The following UNC13C variants were observed in gnomAD, a reference collection of about 807,000 sequenced individuals.
UNC13C encodes the protein protein unc-13 homolog C.
A neutral mutation model predicts 245.4 loss-of-function variants in UNC13C; 174 were observed. The observed-to-expected ratio is 0.71, with a 90% confidence interval of 0.63 to 0.80. The LOEUF (loss-of-function observed/expected upper bound fraction) is 0.80, where lower values mean the gene tolerates loss of function less well. UNC13C is among the 30% of genes least tolerant of loss of function. UNC13C has a pLI of 0.00. For synonymous variants in UNC13C, 992 were observed against 895.1 expected, an observed-to-expected ratio of 1.11 and a Z score of -1.93; for missense variants, 2,829 against 2,602.9, an observed-to-expected ratio of 1.09 and a Z score of -1.89.
At chr15:54,490,423 C>T (rs894304209) in intron 19 of UNC13C, among the ~76,000 whole-genome samples, 1 of 152,018 alleles carries the variant, frequency 6.6e-6, no homozygotes, top group Non-Finnish European at 1.5e-5. Context: ...GAAGAGACTG[C>T]AGGAATGTAG....
the UNC13C span, among the ~76,000 whole-genome samples, chr15:53,889,059 T>C: frequency 6.6e-6 from 1 of 152,178 alleles, no homozygotes; most frequent in Non-Finnish European, 1.5e-5. Context: ...ATATGAAGTT[T>C]AAAGTAGTTT....
intron 14 of UNC13C, among the ~76,000 whole-genome samples, chr15:54,327,220 T>A (rs2038320159): frequency 6.6e-6 from 1 of 152,196 alleles, no homozygotes; most frequent in East Asian, 1.9e-4. Context: ...AAATTAATAT[T>A]TTTGAGCTGT....
intron 14 of UNC13C, among the ~76,000 whole-genome samples, chr15:54,327,871 G>T (rs902302720): frequency 2.6e-5 from 4 of 152,054 alleles, no homozygotes; most frequent in Admixed American, 2.0e-4. Context: ...CAAAGGGAAG[G>T]CTCCCAAGTC....
chr15:53,895,057 T>C, the UNC13C span, among the ~76,000 whole-genome samples: 5 of 152,014 alleles, frequency 3.3e-5, 1 homozygote, highest in South Asian at 1.0e-3. Context: ...GTTATTAGGA[T>C]CATTCCTTAG....
chr15:54,078,031 T>C (rs1471362688), intron 2 of UNC13C, among the ~76,000 whole-genome samples: 2 of 152,196 alleles, frequency 1.3e-5, no homozygotes, highest in Non-Finnish European at 2.9e-5. Context: ...TATGTCCATG[T>C]GTACTCATTG....
intron 4 of UNC13C, among the ~76,000 whole-genome samples, chr15:54,171,218 T>G (rs1291210815): frequency 1.3e-5 from 2 of 152,016 alleles, no homozygotes; most frequent in African/African-American, 4.8e-5. Context: ...TAGTTTTGTC[T>G]GTTCTTGGCA....
chr15:54,244,998 T>C (rs1029427860), intron 7 of UNC13C, among the ~76,000 whole-genome samples: 1 of 152,194 alleles, frequency 6.6e-6, no homozygotes. Context: ...CTTTCAATAC[T>C]ATGTTGAATA....
At chr15:54,339,326 G>A (rs1313459175) in intron 17 of UNC13C, among the ~76,000 whole-genome samples, 1 of 152,098 alleles carries the variant, frequency 6.6e-6, no homozygotes, top group East Asian at 1.9e-4. Flanking sequence ...ACATGAGTAA[G>A]TTCTTTAGTA....
chr15:54,471,204 T>C, intron 19 of UNC13C, among the ~76,000 whole-genome samples: 1 of 151,534 alleles, frequency 6.6e-6, no homozygotes, highest in East Asian at 1.9e-4. Flanking sequence ...ATATTCTGAA[T>C]ATGTGTGTTA....
chr15:54,266,403 G>A lies in UNC13C; in HGVS notation c.3818+907G>A, dbSNP rs187282488. Among the ~76,000 whole-genome samples the A allele has an allele frequency of 3.6e-3, 548 of 152,074 alleles. 3 individuals carry two copies. The highest frequency in any genetic ancestry group is 0.012 in the African/African-American group (514 of 41,548). On this transcript the variant is annotated intron_variant, in intron 10 of 32. Transcript: ENST00000260323. Reference sequence around the variant, plus strand: ...CTGGGAGAGATTAGTATCCCTTTACGTGTTAAAATAGAAGACAAGAAATCA... The same window carrying A: ...CTGGGAGAGATTAGTATCCCTTTACATGTTAAAATAGAAGACAAGAAATCA...
chr15:54,209,746 T>A (rs1336656702), intron 4 of UNC13C, among the ~76,000 whole-genome samples: 1 of 152,152 alleles, frequency 6.6e-6, no homozygotes, highest in East Asian at 1.9e-4. Flanking sequence ...TGTGTACAAA[T>A]ATCTAGAAGG....
chr15:54,261,700 C>A (rs922922103), intron 8 of UNC13C, among the ~76,000 whole-genome samples: 5 of 152,126 alleles, frequency 3.3e-5, no homozygotes, highest in African/African-American at 4.8e-5. Context: ...CCCACCACTA[C>A]GCCTGGCTAA....
the UNC13C span, among the ~76,000 whole-genome samples, chr15:53,964,522 A>G: frequency 0.047 from 7,139 of 152,278 alleles, 270 homozygotes; most frequent in African/African-American, 0.1. Flanking sequence ...GACATGTAAT[A>G]TACCTCTATA....
At chr15:53,854,034 A>G in the UNC13C span, among the ~76,000 whole-genome samples, 5 of 151,626 alleles carry the variant, frequency 3.3e-5, no homozygotes, top group South Asian at 2.1e-4. Flanking sequence ...TTTTGTTGCA[A>G]TTGCTTTTAG....
the UNC13C span, among the ~76,000 whole-genome samples, chr15:53,840,038 G>A: frequency 2.6e-5 from 4 of 152,000 alleles, no homozygotes; most frequent in Non-Finnish European, 5.9e-5. Flanking sequence ...TATTTCCAGC[G>A]ATTCTTTACT....
chr15:54,128,024 ACT>A (rs2031172905), intron 2 of UNC13C, among the ~76,000 whole-genome samples: 1 of 151,884 alleles, frequency 6.6e-6, no homozygotes, highest in Admixed American at 6.6e-5. Context: ...TATCCTAAAG[ACT>A]CTTCCAAAAG....
chr15:54,607,753 G>T (rs537707716), intron 30 of UNC13C, among the ~76,000 whole-genome samples: 1 of 152,168 alleles, frequency 6.6e-6, no homozygotes, highest in African/African-American at 2.4e-5. Flanking sequence ...CAAAGGGAAG[G>T]GGGAGGTGCT....
At chr15:54,253,507 A>G (rs1337878418) in intron 8 of UNC13C, among the ~76,000 whole-genome samples, 10 of 152,274 alleles carry the variant, frequency 6.6e-5, no homozygotes, top group Non-Finnish European at 1.2e-4. Flanking sequence ...TACTCCTTCA[A>G]TAAAATCAGT....
chr15:54,513,206 G>A (rs781779751), intron 24 of UNC13C, among the ~76,000 whole-genome samples: 7 of 152,094 alleles, frequency 4.6e-5, no homozygotes, highest in Non-Finnish European at 1.0e-4. Flanking sequence ...CAGACTTGAA[G>A]TCCACTTAGC....
Sources: gnomAD v4.1 joint callset for allele counts (sites outside exome capture counted in the v4.1 genomes callset) on GRCh38, gnomAD v4.1.1 for gene constraint, MANE v1.5 for transcripts, NCBI Gene and HGNC (gene_info 2026-07-23, HGNC 2026-07-21) for gene names.